Variants in SLCO3A1 observed in about 807,000 individuals in gnomAD.
The protein encoded by SLCO3A1 is PGE1 transporter.
Under a neutral mutation model 63.1 loss-of-function variants are expected in SLCO3A1, and 27 were observed. The ratio of observed to expected loss-of-function variants is 0.43; its 90% confidence interval spans 0.32 to 0.59. The LOEUF (loss-of-function observed/expected upper bound fraction) is 0.59, where lower values mean the gene tolerates loss of function less well. Ranked by LOEUF, SLCO3A1 falls within the 20% of genes least tolerant of loss-of-function variation. The pLI is 0.09. For synonymous variants in SLCO3A1, 473 were observed against 409.9 expected, an observed-to-expected ratio of 1.15 and a Z score of -1.86; for missense variants, 773 against 945.8, an observed-to-expected ratio of 0.82 and a Z score of 2.40.
At chr15:91,953,700 G>A (rs1262491118) in intron 2 of SLCO3A1, among the ~76,000 whole-genome samples, 1 of 152,168 alleles carries the variant, frequency 6.6e-6, no homozygotes, top group African/African-American at 2.4e-5. Flanking sequence ...CCTCTGCTTT[G>A]AGGGGGTGGG....
intron 4 of SLCO3A1, among the ~76,000 whole-genome samples, chr15:92,113,928 G>A (rs1021626867): frequency 6.6e-6 from 1 of 152,216 alleles, no homozygotes; most frequent in Admixed American, 6.5e-5. Context: ...CTGTTTGTGG[G>A]CCACAGCCCG....
chr15:92,048,327 C>G (rs2046915331), intron 2 of SLCO3A1, among the ~76,000 whole-genome samples: 1 of 152,156 alleles, frequency 6.6e-6, no homozygotes, highest in Non-Finnish European at 1.5e-5. Context: ...GTCCCTCTCT[C>G]TCCTCTCCTG....
intron 4 of SLCO3A1, among the ~76,000 whole-genome samples, chr15:92,107,337 A>C (rs2047678521): frequency 6.6e-6 from 1 of 152,220 alleles, no homozygotes; most frequent in Non-Finnish European, 1.5e-5. Context: ...TAATAAACAC[A>C]TTTTACACAT....
rs576839191 is a variant in SLCO3A1 at position 92,000,172 on chromosome 15, A to G, written c.646+83714A>G. On this transcript the variant is annotated intron_variant, in intron 2 of 9. Transcript: ENST00000318445. ...TCTTTGGACATATATATGATTTTAT[A>G]TATGATTTTATAATTGTGGGCATGT... Among the ~76,000 whole-genome samples, 97 of 152,324 alleles carry G rather than the reference A, an allele frequency of 6.4e-4. 1 individual carries two copies. The highest frequency in any genetic ancestry group is 2.0e-3 in the African/African-American group (85 of 41,566).
intron 2 of SLCO3A1, among the ~76,000 whole-genome samples, chr15:92,029,989 C>T (rs2151478697): frequency 6.6e-6 from 1 of 152,258 alleles, no homozygotes; most frequent in East Asian, 1.9e-4. Flanking sequence ...TCAACCGTTG[C>T]ATTATTACTC....
intron 2 of SLCO3A1, among the ~76,000 whole-genome samples, chr15:92,002,529 A>G (rs772473466): frequency 4.6e-5 from 7 of 152,214 alleles, no homozygotes; most frequent in Non-Finnish European, 7.3e-5. Context: ...AATTATTAAC[A>G]TGGAATGCAA....
At chr15:92,112,569 C>T (rs1298607080) in intron 4 of SLCO3A1, among the ~76,000 whole-genome samples, 2 of 152,164 alleles carry the variant, frequency 1.3e-5, no homozygotes, top group African/African-American at 2.4e-5. Flanking sequence ...TGTGAACTCC[C>T]AATTGCCAAT....
At chr15:91,979,999 T>A (rs1195199489) in intron 2 of SLCO3A1, among the ~76,000 whole-genome samples, 1 of 152,174 alleles carries the variant, frequency 6.6e-6, no homozygotes, top group Non-Finnish European at 1.5e-5. Context: ...CTGGGGAAAA[T>A]GAATCTAGAG....
In SLCO3A1 at chr15:91,948,782, A is replaced by G. The variant is rs1899896713; in HGVS notation, c.646+32324A>G. 6.6e-6 allele frequency among the ~76,000 whole-genome samples: 1 copy of G among 152,122 alleles called. No individual in the cohort carries two copies. The highest frequency in any genetic ancestry group is 6.5e-5 in the Admixed American group (1 of 15,268). On this transcript the variant is annotated intron_variant, in intron 2 of 9. Coordinates refer to ENST00000318445, the MANE Select transcript of SLCO3A1 (RefSeq NM_013272.4). This position sits in a 1 kb window ranked among gnomAD's most constrained non-coding sequence, Gnocchi z 4.8. ...GAAGTCAGGGTCCTTTGGGTCCTGT[A>G]TCCTGACTAATGACCCCAAAGATAT...
At chr15:91,861,598 A>G (rs925925578) in intron 1 of SLCO3A1, among the ~76,000 whole-genome samples, 9 of 152,192 alleles carry the variant, frequency 5.9e-5, no homozygotes, top group Non-Finnish European at 8.8e-5. Context: ...AATATTTAAA[A>G]GCAAAAAGTA....
At chr15:92,136,287 C>T (rs554255135) in intron 7 of SLCO3A1, among the ~76,000 whole-genome samples, 2 of 152,260 alleles carry the variant, frequency 1.3e-5, no homozygotes, top group Admixed American at 6.5e-5. Context: ...CCTTGAACTT[C>T]GCTTCCTTTG....
intron 2 of SLCO3A1, among the ~76,000 whole-genome samples, chr15:91,998,857 C>T (rs984910359): frequency 5.3e-5 from 8 of 152,204 alleles, no homozygotes; most frequent in African/African-American, 1.9e-4. Context: ...CATTGTAGCA[C>T]GATTCACAAT....
In SLCO3A1 at chr15:92,073,898, G is replaced by A. The variant is rs908353020; in HGVS notation, c.647-20983G>A. On this transcript the variant is annotated intron_variant, in intron 2 of 9. Coordinates refer to ENST00000318445, the MANE Select transcript of SLCO3A1 (RefSeq NM_013272.4). ...GAACCTATGCTCGAGGTCAGGCACCGTGGCTCACGCCTGTAATCCCAGCAC... is the reference window on the plus strand; with the variant it reads ...GAACCTATGCTCGAGGTCAGGCACCATGGCTCACGCCTGTAATCCCAGCAC... 5.9e-5 allele frequency among the ~76,000 whole-genome samples: 9 copies of A among 152,346 alleles called. No individual in the cohort carries two copies. The South Asian group carries it at 8.3e-4, about 14-fold the overall frequency.
At chr15:91,924,818 G>T (rs576366697) in intron 2 of SLCO3A1, among the ~76,000 whole-genome samples, 4 of 152,208 alleles carry the variant, frequency 2.6e-5, no homozygotes, top group Non-Finnish European at 5.9e-5. Flanking sequence ...CACGGTTCAA[G>T]GTTCCCCGAA....
At chr15:92,006,610 G>A (rs2046315747) in intron 2 of SLCO3A1, among the ~76,000 whole-genome samples, 1 of 152,110 alleles carries the variant, frequency 6.6e-6, no homozygotes, top group Admixed American at 6.6e-5. Context: ...TTTAAGATGA[G>A]CTGAGTAAAA....
chr15:92,166,292 C>A (rs2151607954), downstream of SLCO3A1, among the ~76,000 whole-genome samples: 1 of 152,216 alleles, frequency 6.6e-6, no homozygotes. Flanking sequence ...TCTCACGGTC[C>A]CCCCGAGGAG....
At chr15:92,089,757 C>T (rs1263474838) in intron 2 of SLCO3A1, among the ~76,000 whole-genome samples, 1 of 152,110 alleles carries the variant, frequency 6.6e-6, no homozygotes, top group Non-Finnish European at 1.5e-5. Context: ...GGAAGTCTTG[C>T]TGGAGGTCGT....
intron 9 of SLCO3A1, chr15:92,161,586 G>T (rs2048437343): frequency 6.6e-6 from 1 of 152,236 alleles, no homozygotes; most frequent in African/African-American, 2.4e-5. Context: ...TCCAGGGGAA[G>T]CGAAGTTGTC....
At chr15:91,934,905 T>A (rs1259715671) in intron 2 of SLCO3A1, among the ~76,000 whole-genome samples, 1 of 152,220 alleles carries the variant, frequency 6.6e-6, no homozygotes, top group East Asian at 1.9e-4. Flanking sequence ...GTAACACATA[T>A]TGAGCTTTGA....
Sources: allele counts gnomAD v4.1 joint callset (sites outside exome capture counted in the v4.1 genomes callset), GRCh38; gene constraint gnomAD v4.1.1; non-coding constraint Gnocchi (gnomAD v3.1); transcripts MANE v1.5; gene names NCBI Gene and HGNC (gene_info 2026-07-23, HGNC 2026-07-21).